Variants in SLC2A1 observed in about 807,000 individuals in gnomAD.
SLC2A1 encodes solute carrier family 2, facilitated glucose transporter member 1.
A neutral mutation model predicts 46.6 loss-of-function variants in SLC2A1; 4 were observed. The observed-to-expected ratio is 0.09, with a 90% CI of 0.04 to 0.20. The LOEUF (loss-of-function observed/expected upper bound fraction) is 0.20, where lower values mean the gene tolerates loss of function less well. Ranked by LOEUF, SLC2A1 falls within the 10% of genes least tolerant of loss-of-function variation. The pLI, the probability that SLC2A1 is intolerant of heterozygous loss-of-function variation, is 1.00. For missense variants in SLC2A1, 352 were observed against 667.0 expected, an observed-to-expected ratio of 0.53 and a Z score of 5.20; for synonymous variants, 253 against 270.0, an observed-to-expected ratio of 0.94 and a Z score of 0.62.
chr1:42,934,925 TCCA>T (rs1213184125), intron 2 of SLC2A1, among the ~76,000 whole-genome samples: 1 of 152,134 alleles, frequency 6.6e-6, no homozygotes, highest in Non-Finnish European at 1.5e-5. Flanking sequence ...ACTCTTCCTA[TCCA>T]CCAAAGTCAG....
chr1:42,929,183 T>TG lies in SLC2A1; in HGVS notation c.972+26dup, dbSNP rs761093585. On this transcript the variant is annotated intron_variant, in intron 7 of 9. Coordinates refer to ENST00000426263, the MANE Select transcript of SLC2A1 (RefSeq NM_006516.4). This position sits in a 1 kb window ranked among gnomAD's most constrained non-coding sequence, Gnocchi z 6.0. ...CACTGCCTCCTCCCTGGGGTTTGGC[T>TG]GGGGGGGCCAGTAAGCAAAGACTCA... The TG allele has an allele frequency of 2.1e-5, 33 of 1,599,906 alleles. No individual in the cohort carries two copies. The highest frequency in any genetic ancestry group is 2.0e-4 in the East Asian group (9 of 44,792).
In SLC2A1 at chr1:42,929,985, C is replaced by G. The variant is rs794727721; in HGVS notation, c.567G>C (p.Leu189=). Residue 189 remains leucine (L), a synonymous_variant, in exon 5 of 10, where the codon CTG becomes CTC. Coordinates refer to ENST00000426263, the MANE Select transcript of SLC2A1 (RefSeq NM_006516.4). The surrounding 1 kb of genome is among the most constrained non-coding windows in gnomAD (Gnocchi z 6.0). ...GGGCCGGGATGAAGATGATGCTCAG[C>G]AGCAGGGGCCACAGGTCCTTGTTGC... ...IMGNKDLWPL[L]LSIIFIPALL... 6.2e-7 allele frequency: 1 copy of G among 1,614,080 alleles called. No homozygotes were observed. The highest frequency in any genetic ancestry group is 8.5e-7 in the Non-Finnish European group (1 of 1,180,034).
At chr1:42,949,879 C>T (rs527757701) in intron 1 of SLC2A1, among the ~76,000 whole-genome samples, 1 of 152,318 alleles carries the variant, frequency 6.6e-6, no homozygotes, top group East Asian at 1.9e-4. Flanking sequence ...CTATGGCTTT[C>T]CTGCTTAGGT....
chr1:42,956,637 G>A (rs1351465641), intron 1 of SLC2A1, among the ~76,000 whole-genome samples: 2 of 152,116 alleles, frequency 1.3e-5, no homozygotes, highest in African/African-American at 2.4e-5. Flanking sequence ...ACACCACTGT[G>A]AAAGAGGTGT....
At chr1:42,943,859 C>T (rs982537115) in intron 1 of SLC2A1, among the ~76,000 whole-genome samples, 1 of 152,220 alleles carries the variant, frequency 6.6e-6, no homozygotes, top group Non-Finnish European at 1.5e-5. Context: ...CCCTATCCTC[C>T]ATTTGCTTGT....
Position 42,927,067 on chromosome 1 carries a change from G to A in SLC2A1, c.1453C>T (p.Pro485Ser). 1 of 1,614,166 alleles carries A rather than the reference G, an allele frequency of 6.2e-7. No homozygotes were observed. The highest frequency in any genetic ancestry group is 1.1e-5 in the South Asian group (1 of 91,082). ...CACACTTGGGAATCAGCCCCCAGGGGATGGAACAGCTCCTCGGGTGTCTTG... is the reference window on the plus strand; with the variant it reads ...CACACTTGGGAATCAGCCCCCAGGGAATGGAACAGCTCCTCGGGTGTCTTG... ...SDKTPEELFH[P>S]LGADSQV is the part of the protein sequence containing the mutation. Residue 485 changes from proline to serine, a missense_variant, in exon 10 of 10, where the codon CCC becomes TCC. Physicochemically the swap from Pro to Ser is moderately conservative, Grantham distance 74. Transcript: ENST00000426263. This position sits in a 1 kb window ranked among gnomAD's most constrained non-coding sequence, Gnocchi z 5.3.
intron 2 of SLC2A1, among the ~76,000 whole-genome samples, chr1:42,935,076 G>A (rs546295385): frequency 1.4e-4 from 21 of 152,282 alleles, no homozygotes; most frequent in African/African-American, 5.1e-4. Flanking sequence ...AGTCTGGGTG[G>A]CGGCAAGCGT....
At position 42,929,499 on chromosome 1, in the gene SLC2A1, CG is replaced by C. The variant is rs1489294321; in HGVS notation, c.867+93del. 7 of 1,303,086 alleles carry C rather than the reference CG, an allele frequency of 5.4e-6. No individual in the cohort carries two copies. The highest frequency in any genetic ancestry group is 7.8e-6 in the Non-Finnish European group (7 of 902,788). The allele number at this position is 1,303,086 out of a possible 1,614,324, so 80.7% of individuals were successfully genotyped here. On this transcript the variant is annotated intron_variant, in intron 6 of 9. Coordinates refer to ENST00000426263, the MANE Select transcript of SLC2A1 (RefSeq NM_006516.4). This position sits in a 1 kb window ranked among gnomAD's most constrained non-coding sequence, Gnocchi z 6.0. ...TAAAGGGAAACTTCTTCGGCAGAGG[CG>C]TATCTGTTGTTTCAAGTTTGGGACT...
At chr1:42,928,353 C>T (rs1477815890) in intron 8 of SLC2A1, among the ~76,000 whole-genome samples, 1 of 152,200 alleles carries the variant, frequency 6.6e-6, no homozygotes, top group Non-Finnish European at 1.5e-5. Flanking sequence ...GCTTTCCTTG[C>T]CCAGAGGCTA....
intron 1 of SLC2A1, among the ~76,000 whole-genome samples, chr1:42,949,212 C>G (rs1483687188): frequency 6.6e-6 from 1 of 152,122 alleles, no homozygotes; most frequent in Non-Finnish European, 1.5e-5. Flanking sequence ...TGCACGACTG[C>G]ATTCCAGTCT....
chr1:42,950,935 A>G (rs1375156821), intron 1 of SLC2A1, among the ~76,000 whole-genome samples: 1 of 152,212 alleles, frequency 6.6e-6, no homozygotes, highest in Non-Finnish European at 1.5e-5. Context: ...AGATCGCGCC[A>G]TTGCACTCCA....
intron 1 of SLC2A1, among the ~76,000 whole-genome samples, chr1:42,946,035 T>C (rs1476549052): frequency 6.6e-6 from 1 of 152,238 alleles, no homozygotes; most frequent in African/African-American, 2.4e-5. Flanking sequence ...CATGAGTGAA[T>C]GACACTGGCT....
chr1:42,952,812 A>G (rs904553770), intron 1 of SLC2A1, among the ~76,000 whole-genome samples: 1 of 152,178 alleles, frequency 6.6e-6, no homozygotes, highest in Non-Finnish European at 1.5e-5. Flanking sequence ...CCAGCCCAAG[A>G]GAGTCCACCT....
intron 2 of SLC2A1, among the ~76,000 whole-genome samples, chr1:42,936,791 C>A (rs529966425): frequency 2.0e-5 from 3 of 152,160 alleles, no homozygotes; most frequent in Admixed American, 2.0e-4. Flanking sequence ...CTCCCTCATA[C>A]GACCTAGACA....
chr1:42,940,837 A>T (rs1643590440), intron 2 of SLC2A1, among the ~76,000 whole-genome samples: 1 of 152,082 alleles, frequency 6.6e-6, no homozygotes, highest in Non-Finnish European at 1.5e-5. Context: ...ACTTTTCTCC[A>T]GCCTGGGTCT....
At chr1:42,936,584 G>A (rs1643544640) in intron 2 of SLC2A1, among the ~76,000 whole-genome samples, 1 of 152,112 alleles carries the variant, frequency 6.6e-6, no homozygotes, top group Non-Finnish European at 1.5e-5. Context: ...CCCCCCTGCA[G>A]AGGGCTGGAC....
intron 2 of SLC2A1, among the ~76,000 whole-genome samples, chr1:42,935,737 A>G (rs1643536409): frequency 6.6e-6 from 1 of 152,214 alleles, no homozygotes; most frequent in Admixed American, 6.5e-5. Flanking sequence ...TGCCAGGGCC[A>G]GACTCCAGCT....
chr1:42,938,457 T>C (rs1467037592), intron 2 of SLC2A1, among the ~76,000 whole-genome samples: 1 of 152,180 alleles, frequency 6.6e-6, no homozygotes, highest in East Asian at 1.9e-4. Flanking sequence ...TGGTAATTTA[T>C]GGGGTGGTGC....
intron 1 of SLC2A1, 94 bp downstream of exon 1, chr1:42,958,540 C>T (rs1643806250): frequency 1.6e-5 from 18 of 1,111,376 alleles, no homozygotes; most frequent in Non-Finnish European, 2.0e-5. Flanking sequence ...GCGCACAGCG[C>T]AGCGGGGCGG....
Sources: allele counts gnomAD v4.1 joint callset (sites outside exome capture counted in the v4.1 genomes callset), GRCh38; gene constraint gnomAD v4.1.1; non-coding constraint Gnocchi (gnomAD v3.1); transcripts MANE v1.5; gene names NCBI Gene and HGNC (gene_info 2026-07-23, HGNC 2026-07-21).